The following FREM1 variants were observed in gnomAD, a reference collection of about 807,000 sequenced individuals.
The protein encoded by FREM1 is FRAS1 related extracellular matrix 1.
A neutral mutation model predicts 210.1 loss-of-function variants in FREM1; 220 were observed. The observed-to-expected ratio is 1.05, with a 90% CI of 0.94 to 1.17. FREM1 has a LOEUF of 1.17. Ranked by LOEUF, FREM1 falls within the 50% of genes most tolerant of loss-of-function variation. FREM1 has a pLI of 0.00. For missense variants in FREM1, 3,454 were observed against 2,675.5 expected (o/e 1.29, Z -6.42); for synonymous variants, 1,189 against 980.2 (o/e 1.21, Z -3.98).
In FREM1 at chr9:14,886,895, CAAAAAAA is replaced by C. The variant is rs59827471; in HGVS notation, c.-267-17658_-267-17652del. ...GAAGTGAGACAGTGAGACCTTGTTTCAAAAAAAAAAAAAAAAAAAAAAAAGAAGCTAT... is the reference window on the plus strand; with the variant it reads ...GAAGTGAGACAGTGAGACCTTGTTTCAAAAAAAAAAAAAAAAAGAAGCTAT... On this transcript the variant is annotated intron_variant, in intron 1 of 36. Coordinates refer to ENST00000380880, the MANE Select transcript of FREM1 (RefSeq NM_001379081.2). Among the ~76,000 whole-genome samples, 51 of 95,488 alleles carry C rather than the reference CAAAAAAA, an allele frequency of 5.3e-4. 1 individual carries two copies. The South Asian group carries it at 0.012, about 22-fold the overall frequency. 62.6% of individuals were successfully genotyped at this position (95,488 alleles called of 152,430 possible). A position where few individuals can be genotyped will look rare whatever the true frequency, so the allele number is the denominator to read the frequency against.
intron 23 of FREM1, among the ~76,000 whole-genome samples, chr9:14,785,025 A>G (rs74335823): frequency 0.018 from 2,796 of 152,250 alleles, 92 homozygotes; most frequent in African/African-American, 0.064. Context: ...AAGATTTGGC[A>G]TTATTTTGTA....
At chr9:14,781,006 C>T (rs1306636436) in intron 24 of FREM1, among the ~76,000 whole-genome samples, 3 of 152,154 alleles carry the variant, frequency 2.0e-5, no homozygotes, top group African/African-American at 7.2e-5. Context: ...ATCAGAATGA[C>T]ACATTGAGGA....
At chr9:14,869,443 T>TGCTTCCGGACTTGACATACC (rs1440657856) in intron 1 of FREM1, among the ~76,000 whole-genome samples, 199 bp from the exon 2 acceptor site, 3 of 152,334 alleles carry the variant, frequency 2.0e-5, no homozygotes, top group South Asian at 4.1e-4. Context: ...TTATAGCTCC[T>TGCTTCCGGACTTGACATACC]GCTTCCGGAC....
intron 23 of FREM1, among the ~76,000 whole-genome samples, chr9:14,788,631 A>C (rs1047865672): frequency 6.6e-6 from 1 of 152,226 alleles, no homozygotes; most frequent in Non-Finnish European, 1.5e-5. Context: ...AAAGCAAAAA[A>C]ATCCTAACAG....
At chr9:14,894,087 T>A (rs1837303717) in intron 1 of FREM1, among the ~76,000 whole-genome samples, 2 of 152,220 alleles carry the variant, frequency 1.3e-5, no homozygotes, top group South Asian at 2.1e-4. Flanking sequence ...GGATTTAACA[T>A]TAATAGTACA....
intron 23 of FREM1, 113 bp from the exon 24 acceptor site, chr9:14,784,747 T>A (rs1435288183): frequency 3.1e-6 from 2 of 647,124 alleles, no homozygotes; most frequent in African/African-American, 3.7e-5. Context: ...TAATACGACA[T>A]AGAAAGGTTT....
At position 14,748,546 on chromosome 9, in the gene FREM1, G is replaced by T. The variant is rs779061511; in HGVS notation, c.5651C>A (p.Ser1884Tyr). ...CAGATGAAAGGAACCAGAAGTGGTG[G>T]ATGAGGAAGACCCTGGGGGCAGCAG... is the stretch of plus-strand genomic sequence containing the variant. ...WHLLPPGSSS[S>Y]TTSGSFHLER... Residue 1884 changes from serine (S) to tyrosine (Y), a missense_variant, in exon 31 of 37, where the codon TCC becomes TAC. Transcript: ENST00000380880. 1.9e-6 allele frequency: 3 copies of T among 1,613,892 alleles called. No individual in the cohort carries two copies. The highest frequency in any genetic ancestry group is 2.5e-6 in the Non-Finnish European group (3 of 1,179,792).
intron 1 of FREM1, among the ~76,000 whole-genome samples, chr9:14,897,754 C>G (rs1838006836): frequency 6.6e-6 from 1 of 152,054 alleles, no homozygotes; most frequent in Non-Finnish European, 1.5e-5. Flanking sequence ...CCATGCCTGA[C>G]TAATTTAAAA....
chr9:14,867,706 G>A (rs1160515951), intron 2 of FREM1, among the ~76,000 whole-genome samples: 3 of 152,150 alleles, frequency 2.0e-5, no homozygotes, highest in Non-Finnish European at 4.4e-5. Context: ...TTAGCCAAAT[G>A]AAAAGGAAAT....
Position 14,792,773 on chromosome 9 carries a change from C to G in FREM1, c.3951G>C (p.Arg1317Ser), listed in dbSNP as rs751897909. Residue 1317 changes from arginine to serine, a missense_variant, in exon 22 of 37, where the codon AGG (arginine) becomes AGC (serine). Physicochemically the swap from Arg to Ser is moderately radical, Grantham distance 110. Coordinates refer to ENST00000380880, the MANE Select transcript of FREM1 (RefSeq NM_001379081.2). ...GCTGAAGTTGCCCATTTTGGGGAAG[C>G]CTTTCAAATACATAGTAAATCTTCT... ...PREKIYYVFERLPQNGQLQLK... is the reference protein window; with the variant it reads ...PREKIYYVFESLPQNGQLQLK... 1.2e-6 allele frequency: 2 copies of G among 1,600,746 alleles called. No individual in the cohort carries two copies. The highest frequency in any genetic ancestry group is 1.7e-5 in the Admixed American group (1 of 57,646).
At chr9:14,900,626 A>G (rs1838619686) in intron 1 of FREM1, among the ~76,000 whole-genome samples, 1 of 152,140 alleles carries the variant, frequency 6.6e-6, no homozygotes, top group African/African-American at 2.4e-5. Flanking sequence ...TCCTAGATAG[A>G]CAGAGTCTGA....
Position 14,784,476 on chromosome 9 carries a change from G to A in FREM1, c.4336C>T (p.His1446Tyr), listed in dbSNP as rs761544430. 4 of 1,613,764 alleles carry A rather than the reference G, an allele frequency of 2.5e-6. No homozygotes were observed. The highest frequency in any genetic ancestry group is 3.3e-5 in the Admixed American group (2 of 59,996). The change falls in exon 24 of 37, where the codon CAC (histidine) becomes TAC (tyrosine). Residue 1446 changes from histidine (H) to tyrosine (Y), a missense_variant. Coordinates refer to ENST00000380880, the MANE Select transcript of FREM1 (RefSeq NM_001379081.2). ...TTTGTAATGGGAACTCCAGGATAGT[G>A]AACATATTCGATCTGGCCATATCGC... ...PPRYGQIEYV[H>Y]YPGVPITNFS... is the part of the protein sequence containing the mutation.
chr9:14,864,013 G>A lies in FREM1; in HGVS notation c.235-110C>T. The A allele has an allele frequency of 7.1e-6, 5 of 705,910 alleles. No individual in the cohort carries two copies. In the South Asian group the frequency reaches 7.9e-5, roughly 11 times the overall value. 43.7% of individuals were successfully genotyped at this position (705,910 alleles called of 1,614,324 possible). ...AAAATATGCTCTGTTAGTAATGTGT[G>A]TATGTGTGTGAGTGTGTGTGTCTTC... On this transcript the variant is annotated intron_variant, in intron 2 of 36. Transcript: ENST00000380880.
At chr9:14,765,248 ATTTTTCTC>A (rs1846185553) in intron 27 of FREM1, among the ~76,000 whole-genome samples, 2 of 152,220 alleles carry the variant, frequency 1.3e-5, no homozygotes, top group Admixed American at 6.5e-5. Context: ...CTGTGTTTTC[ATTTTTCTC>A]TTTTTCTCTT....
intron 21 of FREM1, among the ~76,000 whole-genome samples, chr9:14,797,198 T>C (rs1231845252): frequency 6.6e-6 from 1 of 152,234 alleles, no homozygotes; most frequent in Non-Finnish European, 1.5e-5. Context: ...TGTAAGTGCA[T>C]GTATTTATAT....
chr9:14,852,342 C>G (rs1207808085), intron 5 of FREM1, among the ~76,000 whole-genome samples: 2 of 152,092 alleles, frequency 1.3e-5, no homozygotes, highest in Non-Finnish European at 2.9e-5. Flanking sequence ...CCAAAGAAAC[C>G]ATGAAATTGT....
chr9:14,869,907 G>C (rs751200732), intron 1 of FREM1, among the ~76,000 whole-genome samples: 8 of 152,154 alleles, frequency 5.3e-5, no homozygotes, highest in Non-Finnish European at 1.0e-4. Flanking sequence ...ACAGCATATG[G>C]ACATGCGTAT....
At chr9:14,835,108 A>C (rs1824303407) in intron 10 of FREM1, among the ~76,000 whole-genome samples, 1 of 152,250 alleles carries the variant, frequency 6.6e-6, no homozygotes, top group Non-Finnish European at 1.5e-5. Flanking sequence ...ACAAATATCA[A>C]GCAAAACAAA....
At chr9:14,805,372 G>A (rs1466721879) in intron 18 of FREM1, among the ~76,000 whole-genome samples, 1 of 152,200 alleles carries the variant, frequency 6.6e-6, no homozygotes, top group Non-Finnish European at 1.5e-5. Flanking sequence ...TTTGCATGGA[G>A]AACCGAAGAG....
Sources: gnomAD v4.1 joint callset for allele counts (sites outside exome capture counted in the v4.1 genomes callset) on GRCh38, gnomAD v4.1.1 for gene constraint, MANE v1.5 for transcripts, NCBI Gene and HGNC (gene_info 2026-07-23, HGNC 2026-07-21) for gene names.